Variants in NRXN3 observed in about 807,000 individuals in gnomAD.
The protein encoded by NRXN3 is neurexin III.
NRXN3 carries 32 observed loss-of-function variants against 137.6 expected under a neutral mutation model. The ratio of observed to expected loss-of-function variants is 0.23; its 90% confidence interval spans 0.18 to 0.31. NRXN3 has a LOEUF of 0.31. NRXN3 is among the 10% of genes least tolerant of loss of function. The pLI is 1.00. For missense variants in NRXN3, 1,574 were observed against 2,062.5 expected, an observed-to-expected ratio of 0.76 and a Z score of 4.59; for synonymous variants, 798 against 784.5, an observed-to-expected ratio of 1.02 and a Z score of -0.29.
At chr14:79,501,634 A>G (rs1241135793) in intron 16 of NRXN3, among the ~76,000 whole-genome samples, 1 of 152,140 alleles carries the variant, frequency 6.6e-6, no homozygotes, top group Non-Finnish European at 1.5e-5. Flanking sequence ...AATTACAGTG[A>G]GAGTTTGGAC....
intron 15 of NRXN3, among the ~76,000 whole-genome samples, chr14:79,420,573 T>C (rs1210084289): frequency 6.6e-6 from 1 of 152,164 alleles, no homozygotes; most frequent in African/African-American, 2.4e-5. Context: ...AGGGGATTCC[T>C]GCACTGAGTT....
intron 15 of NRXN3, among the ~76,000 whole-genome samples, chr14:79,447,724 G>A (rs2096087148): frequency 6.6e-6 from 1 of 152,146 alleles, no homozygotes; most frequent in South Asian, 2.1e-4. Flanking sequence ...CACCTTTTGA[G>A]CTCTGGTCTT....
At chr14:78,771,709 A>T (rs2098728644) in intron 8 of NRXN3, among the ~76,000 whole-genome samples, 1 of 152,242 alleles carries the variant, frequency 6.6e-6, no homozygotes, top group Non-Finnish European at 1.5e-5. Flanking sequence ...TCTTTTGATT[A>T]TAACAAGGAA....
intron 15 of NRXN3, among the ~76,000 whole-genome samples, chr14:79,134,513 C>G (rs1448175597): frequency 2.0e-5 from 3 of 152,204 alleles, no homozygotes; most frequent in Admixed American, 6.5e-5. Context: ...CACTGGCACT[C>G]TTTTTAGAGC....
chr14:79,010,453 C>T (rs2099569099), intron 15 of NRXN3, among the ~76,000 whole-genome samples: 1 of 152,084 alleles, frequency 6.6e-6, no homozygotes, highest in Non-Finnish European at 1.5e-5. Flanking sequence ...ATGAGTGTAA[C>T]TCATACCTAG....
chr14:78,502,761 A>G (rs2095903760), intron 4 of NRXN3, among the ~76,000 whole-genome samples: 1 of 152,174 alleles, frequency 6.6e-6, no homozygotes, highest in African/African-American at 2.4e-5. Context: ...TCACCCTTCC[A>G]TTCCTTTGAT....
intron 20 of NRXN3, among the ~76,000 whole-genome samples, chr14:79,849,696 G>C (rs2099387709): frequency 6.6e-6 from 1 of 152,142 alleles, no homozygotes; most frequent in Admixed American, 6.5e-5. Flanking sequence ...AAACAGTATG[G>C]AAGTTCCTAA....
chr14:79,063,594 C>T (rs1483585696), intron 15 of NRXN3, among the ~76,000 whole-genome samples: 1 of 152,116 alleles, frequency 6.6e-6, no homozygotes, highest in Admixed American at 6.6e-5. Flanking sequence ...TCTTGCAGTT[C>T]AGAACCCATA....
At chr14:79,686,831 C>G (rs146386050) in intron 17 of NRXN3, among the ~76,000 whole-genome samples, 1 of 152,084 alleles carries the variant, frequency 6.6e-6, no homozygotes, top group South Asian at 2.1e-4. Flanking sequence ...ACTGTCTGCT[C>G]GTATATATTT....
chr14:79,004,644 A>G (rs1255491910), intron 15 of NRXN3, among the ~76,000 whole-genome samples: 4 of 152,200 alleles, frequency 2.6e-5, no homozygotes, highest in Admixed American at 6.5e-5. Flanking sequence ...CTGTTGTTTG[A>G]TGGTATATGT....
intron 2 of NRXN3, among the ~76,000 whole-genome samples, chr14:78,274,329 A>G (rs1348626833): frequency 6.6e-6 from 1 of 152,198 alleles, no homozygotes; most frequent in Non-Finnish European, 1.5e-5. Flanking sequence ...CAGAAGGGGA[A>G]GCAAACATGT....
intron 15 of NRXN3, among the ~76,000 whole-genome samples, chr14:79,046,410 T>C (rs996209513): frequency 2.0e-5 from 3 of 152,214 alleles, no homozygotes; most frequent in African/African-American, 7.2e-5. Context: ...GTAAGTATGC[T>C]TGTGGCTTAA....
chr14:78,203,122 G>A (rs558141216), intron 1 of NRXN3, among the ~76,000 whole-genome samples: 1 of 152,244 alleles, frequency 6.6e-6, no homozygotes, highest in Admixed American at 6.5e-5. Flanking sequence ...TTACACTTAT[G>A]TCCATAGAGA....
At chr14:78,487,912 C>G (rs1175614699) in intron 4 of NRXN3, among the ~76,000 whole-genome samples, 2 of 151,922 alleles carry the variant, frequency 1.3e-5, no homozygotes, top group African/African-American at 4.8e-5. Context: ...CATAAATGCC[C>G]TATTTTTCAC....
intron 4 of NRXN3, among the ~76,000 whole-genome samples, chr14:78,525,748 G>A (rs1488601316): frequency 6.6e-6 from 1 of 152,076 alleles, no homozygotes; most frequent in Non-Finnish European, 1.5e-5. Context: ...GAGATTAACT[G>A]GCAAAAAATG....
chr14:78,284,939 C>A (rs1212090835), intron 3 of NRXN3, among the ~76,000 whole-genome samples: 1 of 152,352 alleles, frequency 6.6e-6, no homozygotes, highest in African/African-American at 2.4e-5. Flanking sequence ...CAAGACATTG[C>A]ATCCTTTGCC....
intron 1 of NRXN3, among the ~76,000 whole-genome samples, chr14:78,235,328 G>A (rs2153445221): frequency 6.6e-6 from 1 of 152,088 alleles, no homozygotes; most frequent in South Asian, 2.1e-4. Context: ...TGGGGCTCTT[G>A]ATAAACATGA....
chr14:78,233,589 C>G (rs1461745103), intron 1 of NRXN3, among the ~76,000 whole-genome samples: 1 of 147,862 alleles, frequency 6.8e-6, no homozygotes, highest in Non-Finnish European at 1.5e-5. Flanking sequence ...AAGATAAAGA[C>G]ATAAATACTC....
chr14:79,087,598 A>G (rs1490031520), intron 15 of NRXN3, among the ~76,000 whole-genome samples: 3 of 152,188 alleles, frequency 2.0e-5, no homozygotes, highest in Admixed American at 1.3e-4. Flanking sequence ...TGAAGAGGGC[A>G]TATTTCCTGG....
Sources: gnomAD v4.1 joint callset for allele counts (sites outside exome capture counted in the v4.1 genomes callset) on GRCh38, gnomAD v4.1.1 for gene constraint, MANE v1.5 for transcripts, NCBI Gene and HGNC (gene_info 2026-07-23, HGNC 2026-07-21) for gene names.